The following RGS7 variants were observed in gnomAD, a reference collection of about 807,000 sequenced individuals.
RGS7 encodes regulator of G protein signaling 7, also known as regulator of G-protein signaling 7.
RGS7 carries 27 observed loss-of-function variants against 81.1 expected under a neutral mutation model. The observed-to-expected ratio is 0.33, with a 90% confidence interval of 0.25 to 0.46. The LOEUF is 0.46. Among genes scored for constraint, RGS7 ranks in the 20% least tolerant of loss-of-function variants. The probability of loss-of-function intolerance (pLI) is 1.00; values close to 1 mark genes in which losing one functional copy is unlikely to be tolerated. For synonymous variants in RGS7, 208 were observed against 207.7 expected (o/e 1.00, Z -0.01); for missense variants, 396 against 607.4 (o/e 0.65, Z 3.66).
intron 6 of RGS7, among the ~76,000 whole-genome samples, chr1:240,918,949 T>C (rs945956240): frequency 6.6e-6 from 1 of 151,974 alleles, no homozygotes; most frequent in Non-Finnish European, 1.5e-5. Flanking sequence ...TATGAACAAC[T>C]CAACCCCACA....
chr1:241,251,873 T>C (rs968377996), intron 2 of RGS7, among the ~76,000 whole-genome samples: 4 of 151,982 alleles, frequency 2.6e-5, no homozygotes, highest in Non-Finnish European at 5.9e-5. Context: ...GAAATCCTTT[T>C]GCCACTCTCA....
intron 4 of RGS7, among the ~76,000 whole-genome samples, chr1:240,955,856 A>T (rs1011521402): frequency 6.6e-6 from 1 of 152,216 alleles, no homozygotes; most frequent in African/African-American, 2.4e-5. Context: ...AGGTCTTATT[A>T]GTTTTCACAA....
rs193095869 is a variant in RGS7, at chr1:240,778,445, C to T, written c.*7-2232G>A. Among the ~76,000 whole-genome samples, 525 of 152,284 alleles carry T rather than the reference C, an allele frequency of 3.4e-3. 1 individual carries two copies. The highest frequency in any genetic ancestry group is 5.5e-3 in the Non-Finnish European group (377 of 68,022). ...AACAGCAGCAATGAAAATCATGCAC[C>T]ATTTTCTCTTAATTTTTTCTTAATT... On this transcript the variant is annotated intron_variant, in intron 18 of 18. Coordinates refer to ENST00000440928, the MANE Select transcript of RGS7 (RefSeq NM_001364886.1).
chr1:241,057,035 T>C (rs1572479604), intron 3 of RGS7, among the ~76,000 whole-genome samples: 1 of 150,692 alleles, frequency 6.6e-6, no homozygotes, highest in South Asian at 2.1e-4. Context: ...TATTTATTCA[T>C]GGTAATTTAT....
intron 3 of RGS7, among the ~76,000 whole-genome samples, chr1:241,078,963 T>A (rs2062980663): frequency 6.6e-6 from 1 of 152,206 alleles, no homozygotes; most frequent in African/African-American, 2.4e-5. Flanking sequence ...TACATTTGAA[T>A]GAGAATATCC....
In RGS7 at chr1:241,276,388, C is replaced by G. The variant is rs919774215; in HGVS notation, c.78+79311G>C. 2.0e-5 allele frequency among the ~76,000 whole-genome samples: 3 copies of G among 152,202 alleles called. No homozygotes were observed. The East Asian group carries it at 5.8e-4, about 29-fold the overall frequency. ...TAAAGCCTGAGAGGTTAATATGATT[C>G]TAGACAACCATTCATAGGCAGAGAT... On this transcript the variant is annotated intron_variant, in intron 2 of 18. Coordinates refer to ENST00000440928, the MANE Select transcript of RGS7 (RefSeq NM_001364886.1).
At chr1:240,884,358 C>T (rs988075377) in intron 6 of RGS7, among the ~76,000 whole-genome samples, 2 of 152,166 alleles carry the variant, frequency 1.3e-5, no homozygotes, top group Non-Finnish European at 2.9e-5. Context: ...GAAACTTATC[C>T]TGTATTTCCC....
At chr1:241,265,999 G>C (rs1392236206) in intron 2 of RGS7, among the ~76,000 whole-genome samples, 1 of 151,948 alleles carries the variant, frequency 6.6e-6, no homozygotes, top group Non-Finnish European at 1.5e-5. Flanking sequence ...TCTCCATGTT[G>C]GTCAGGCTGG....
At chr1:240,974,341 T>A (rs148579551) in intron 4 of RGS7, among the ~76,000 whole-genome samples, 5 of 152,208 alleles carry the variant, frequency 3.3e-5, no homozygotes, top group African/African-American at 9.7e-5. Flanking sequence ...GGGTTTTGTT[T>A]AGATAAAAAA....
chr1:241,126,531 A>G (rs1179652493), intron 2 of RGS7, among the ~76,000 whole-genome samples: 1 of 152,172 alleles, frequency 6.6e-6, no homozygotes. Flanking sequence ...TCAAATGCGC[A>G]GCTCTGCTAC....
chr1:241,274,783 A>G (rs10926450), intron 2 of RGS7, among the ~76,000 whole-genome samples: 55,910 of 151,992 alleles, frequency 0.37, 11,904 homozygotes, highest in East Asian at 0.55. Flanking sequence ...TTTCCTCCCA[A>G]TCTCATGATT....
At chr1:240,814,372 G>C (rs1448130861) in intron 12 of RGS7, among the ~76,000 whole-genome samples, 1 of 152,090 alleles carries the variant, frequency 6.6e-6, no homozygotes, top group East Asian at 1.9e-4. Context: ...TTATAGAGAG[G>C]CTCCAGTTTG....
chr1:241,151,155 G>A (rs1019545787), intron 2 of RGS7, among the ~76,000 whole-genome samples: 1 of 152,158 alleles, frequency 6.6e-6, no homozygotes, highest in African/African-American at 2.4e-5. Flanking sequence ...TAACAGTCGT[G>A]CCCAGAAACA....
intron 4 of RGS7, among the ~76,000 whole-genome samples, chr1:240,975,786 T>C: frequency 6.6e-6 from 1 of 152,244 alleles, no homozygotes; most frequent in Non-Finnish European, 1.5e-5. Context: ...AGATAAATTT[T>C]GCAAACTCAA....
chr1:241,301,580 T>A (rs2079762465), intron 2 of RGS7, among the ~76,000 whole-genome samples: 1 of 152,072 alleles, frequency 6.6e-6, no homozygotes, highest in African/African-American at 2.4e-5. Context: ...GGAAATGGAG[T>A]GAGAGACATT....
intron 2 of RGS7, among the ~76,000 whole-genome samples, chr1:241,218,389 C>T (rs1406423304): frequency 6.6e-6 from 1 of 152,172 alleles, no homozygotes; most frequent in Non-Finnish European, 1.5e-5. Flanking sequence ...GAGTGCATTT[C>T]CCTAACGTAT....
At chr1:240,906,170 CTG>C (rs1234838026) in intron 6 of RGS7, among the ~76,000 whole-genome samples, 2 of 152,090 alleles carry the variant, frequency 1.3e-5, no homozygotes, top group African/African-American at 4.8e-5. Flanking sequence ...CACAACAAGG[CTG>C]TGTTGATCAC....
chr1:240,795,272 CT>C (rs1484271818), intron 18 of RGS7, among the ~76,000 whole-genome samples: 2 of 151,988 alleles, frequency 1.3e-5, no homozygotes, highest in African/African-American at 4.8e-5. Context: ...AAAAAGTATC[CT>C]TCAAGTTTTC....
chr1:240,989,861 T>C (rs1686207783), intron 3 of RGS7, among the ~76,000 whole-genome samples: 1 of 152,132 alleles, frequency 6.6e-6, no homozygotes, highest in South Asian at 2.1e-4. Context: ...TACCCAGAAC[T>C]AAAGGGAAAG....
Sources: allele counts gnomAD v4.1 joint callset (sites outside exome capture counted in the v4.1 genomes callset), GRCh38; gene constraint gnomAD v4.1.1; transcripts MANE v1.5; gene names NCBI Gene and HGNC (gene_info 2026-07-23, HGNC 2026-07-21).